The following GALNT13 variants were observed in gnomAD, a reference collection of about 807,000 sequenced individuals.
GALNT13 encodes the protein polypeptide N-acetylgalactosaminyltransferase 13.
A neutral mutation model predicts 64.2 loss-of-function variants in GALNT13; 28 were observed. The ratio of observed to expected loss-of-function variants is 0.44; its 90% confidence interval spans 0.32 to 0.60. The LOEUF is 0.60. GALNT13 is among the 20% of genes least tolerant of loss of function. GALNT13 has a pLI of 0.05. For missense variants in GALNT13, 577 were observed against 669.8 expected (o/e 0.86, Z 1.53); for synonymous variants, 214 against 224.6 (o/e 0.95, Z 0.42).
chr2:154,360,693 ATCTT>A (rs1697017627), intron 9 of GALNT13, among the ~76,000 whole-genome samples: 2 of 152,138 alleles, frequency 1.3e-5, no homozygotes, highest in Admixed American at 1.3e-4. Context: ...TATTCAGTAT[ATCTT>A]TATTGAGCAC....
the GALNT13 span, among the ~76,000 whole-genome samples, chr2:153,288,798 A>G: frequency 6.6e-6 from 1 of 152,248 alleles, no homozygotes; most frequent in Non-Finnish European, 1.5e-5. Flanking sequence ...TGGAGGGTTC[A>G]GTACTGTCTG....
At chr2:154,006,493 G>A (rs1355487686) in intron 3 of GALNT13, among the ~76,000 whole-genome samples, 2 of 152,074 alleles carry the variant, frequency 1.3e-5, no homozygotes, top group African/African-American at 4.8e-5. Flanking sequence ...TTGTAAATTG[G>A]TTATAACTAT....
chr2:154,168,691 A>G (rs1685177214), intron 4 of GALNT13, among the ~76,000 whole-genome samples: 1 of 149,290 alleles, frequency 6.7e-6, no homozygotes, highest in Non-Finnish European at 1.5e-5. Flanking sequence ...AAAAAAAAAA[A>G]AAGTAGCCAA....
chr2:153,968,011 G>T (rs1693488122), intron 3 of GALNT13, among the ~76,000 whole-genome samples: 1 of 141,084 alleles, frequency 7.1e-6, no homozygotes, highest in African/African-American at 2.5e-5. Flanking sequence ...GACCCAAGCA[G>T]AAAGAGTCTC....
At chr2:154,152,225 A>G (rs900465058) in intron 4 of GALNT13, among the ~76,000 whole-genome samples, 1 of 152,160 alleles carries the variant, frequency 6.6e-6, no homozygotes, top group Non-Finnish European at 1.5e-5. Context: ...TCTGGGTTGA[A>G]AATTCTTTTC....
At chr2:154,296,641 TGA>T (rs1310632838) in intron 8 of GALNT13, among the ~76,000 whole-genome samples, 2 of 151,936 alleles carry the variant, frequency 1.3e-5, no homozygotes, top group African/African-American at 2.4e-5. Flanking sequence ...AAATCATGTC[TGA>T]GAGAGAGAGA....
the GALNT13 span, among the ~76,000 whole-genome samples, chr2:153,694,190 C>T: frequency 6.6e-6 from 1 of 152,240 alleles, no homozygotes; most frequent in East Asian, 1.9e-4. Flanking sequence ...TTGGGTAACT[C>T]AGTTACGAAG....
intron 3 of GALNT13, among the ~76,000 whole-genome samples, chr2:154,071,933 A>G (rs1700758677): frequency 6.6e-6 from 1 of 152,124 alleles, no homozygotes; most frequent in Non-Finnish European, 1.5e-5. Context: ...GTGCCTTACA[A>G]TGAGAAAATA....
the GALNT13 span, among the ~76,000 whole-genome samples, chr2:153,435,734 T>C: frequency 2.6e-5 from 4 of 152,256 alleles, no homozygotes; most frequent in South Asian, 2.1e-4. Context: ...TGGGCTGAGA[T>C]GATGGGGTTT....
the GALNT13 span, among the ~76,000 whole-genome samples, chr2:153,212,323 C>T: frequency 1.3e-5 from 2 of 152,130 alleles, no homozygotes; most frequent in African/African-American, 2.4e-5. Flanking sequence ...ATTTCTCCTC[C>T]GTCACAGCTT....
the GALNT13 span, among the ~76,000 whole-genome samples, chr2:153,554,733 C>A: frequency 6.6e-6 from 1 of 151,714 alleles, no homozygotes; most frequent in South Asian, 2.1e-4. Flanking sequence ...CCTTCATTGT[C>A]TTTTTTGTGT....
At chr2:153,946,602 T>C (rs1691767112) in intron 3 of GALNT13, among the ~76,000 whole-genome samples, 1 of 152,028 alleles carries the variant, frequency 6.6e-6, no homozygotes, top group African/African-American at 2.4e-5. Context: ...CTAACCTCAC[T>C]AGGCAGAATA....
chr2:153,286,445 G>A, the GALNT13 span, among the ~76,000 whole-genome samples: 18 of 152,130 alleles, frequency 1.2e-4, no homozygotes, highest in Non-Finnish European at 2.6e-4. Flanking sequence ...TCTCCAAGTT[G>A]TCAGATTTTA....
At chr2:153,706,982 A>C in the GALNT13 span, among the ~76,000 whole-genome samples, 1 of 152,078 alleles carries the variant, frequency 6.6e-6, no homozygotes, top group Admixed American at 6.6e-5. Context: ...ATGGTTCATG[A>C]TAGTGCTGTT....
chr2:153,474,581 C>T, the GALNT13 span, among the ~76,000 whole-genome samples: 1 of 152,194 alleles, frequency 6.6e-6, no homozygotes, highest in Admixed American at 6.5e-5. Flanking sequence ...TTCGTATCAA[C>T]AATCTTAAGA....
Position 154,175,827 on chromosome 2 carries a change from C to G in GALNT13, c.311+35322C>G, listed in dbSNP as rs78658211. 9.0e-3 allele frequency among the ~76,000 whole-genome samples: 1,364 copies of G among 152,182 alleles called. 21 individuals carry two copies. Among genetic ancestry groups the G allele is most frequent in the African/African-American group, 0.03 (1,246 of 41,528 alleles). The stretch of plus-strand genomic sequence containing the variant: ...ACATGATAATCCCAGACACTTGCAA[C>G]TATAATGTTCTTATGAAAAATCTAT... On this transcript the variant is annotated intron_variant, in intron 4 of 12. Coordinates refer to ENST00000392825, the MANE Select transcript of GALNT13 (RefSeq NM_052917.4).
chr2:153,433,571 T>C, the GALNT13 span, among the ~76,000 whole-genome samples: 1 of 152,148 alleles, frequency 6.6e-6, no homozygotes. Context: ...AGTTTCAGAC[T>C]TTAATAATAC....
chr2:154,306,052 C>G (rs1322302385), intron 9 of GALNT13, among the ~76,000 whole-genome samples: 2 of 152,122 alleles, frequency 1.3e-5, no homozygotes, highest in Non-Finnish European at 2.9e-5. Context: ...AGAATTGTGG[C>G]AAATAAGCCT....
the GALNT13 span, among the ~76,000 whole-genome samples, chr2:153,307,930 T>C: frequency 6.6e-6 from 1 of 152,116 alleles, no homozygotes; most frequent in Admixed American, 6.6e-5. Context: ...ATAGTGCATA[T>C]TTCATGCAAG....
Sources: allele counts gnomAD v4.1 joint callset (sites outside exome capture counted in the v4.1 genomes callset), GRCh38; gene constraint gnomAD v4.1.1; transcripts MANE v1.5; gene names NCBI Gene and HGNC (gene_info 2026-07-23, HGNC 2026-07-21).